Variants in FSHR observed in about 807,000 individuals in gnomAD.
The protein encoded by FSHR is follicle stimulating hormone receptor, also known as follicle-stimulating hormone receptor.
A neutral mutation model predicts 52.1 loss-of-function variants in FSHR; 46 were observed. The ratio of observed to expected loss-of-function variants is 0.88; its 90% confidence interval spans 0.70 to 1.13. The LOEUF is 1.13. Among genes scored for constraint, FSHR ranks in the 50% most tolerant of loss-of-function variants. FSHR has a pLI of 0.00. For synonymous variants in FSHR, 399 were observed against 309.6 expected, an observed-to-expected ratio of 1.29 and a Z score of -3.03; for missense variants, 964 against 834.6, an observed-to-expected ratio of 1.16 and a Z score of -1.91.
chr2:49,044,669 C>T (rs1668594727), intron 2 of FSHR, among the ~76,000 whole-genome samples: 1 of 152,112 alleles, frequency 6.6e-6, no homozygotes, highest in African/African-American at 2.4e-5. Context: ...CCCCAGCACT[C>T]TTACTGCCTG....
chr2:49,141,349 G>A (rs928626894), intron 1 of FSHR, among the ~76,000 whole-genome samples: 15 of 152,128 alleles, frequency 9.9e-5, no homozygotes, highest in African/African-American at 3.4e-4. Context: ...CAGGAAGTGT[G>A]TGGTGCTGGC....
intron 2 of FSHR, among the ~76,000 whole-genome samples, chr2:49,021,886 T>TATAGAGAGAGAGAGAGAG (rs1273265515): frequency 4.0e-5 from 1 of 25,124 alleles, no homozygotes; most frequent in African/African-American, 1.5e-4. Context: ...TATATATATA[T>TATAGAGAGAGAGAGAGAG]AGAGAGAGAG....
intron 1 of FSHR, among the ~76,000 whole-genome samples, chr2:49,107,912 C>T (rs1007756643): frequency 1.3e-5 from 2 of 152,172 alleles, no homozygotes; most frequent in East Asian, 1.9e-4. Context: ...TTTGAGTACA[C>T]ATTCCTTACC....
intron 1 of FSHR, among the ~76,000 whole-genome samples, chr2:49,087,783 ATTAT>A (rs754231876): frequency 3.3e-5 from 5 of 152,220 alleles, no homozygotes; most frequent in African/African-American, 7.2e-5. Flanking sequence ...GCATTTTCAA[ATTAT>A]TTATTGAACA....
At chr2:49,026,203 G>T (rs1322418798) in intron 2 of FSHR, among the ~76,000 whole-genome samples, 1 of 152,172 alleles carries the variant, frequency 6.6e-6, no homozygotes, top group Non-Finnish European at 1.5e-5. Context: ...TGAATTAAAT[G>T]CACTTGGTTT....
chr2:49,027,478 C>T lies in FSHR; in HGVS notation c.225-7318G>A, dbSNP rs569160783. On this transcript the variant is annotated intron_variant, in intron 2 of 9. Coordinates refer to ENST00000406846, the MANE Select transcript of FSHR (RefSeq NM_000145.4). Reference sequence around the variant, plus strand: ...CTATCCCTACCTGGACACAGTGGTGCAGCTAGTCTTTGTGCTTGGGAGCCA... The same window carrying T: ...CTATCCCTACCTGGACACAGTGGTGTAGCTAGTCTTTGTGCTTGGGAGCCA... Among the ~76,000 whole-genome samples the T allele has an allele frequency of 7.5e-4, 114 of 152,288 alleles. No individual in the cohort carries two copies. The Middle Eastern group carries it at 0.014, about 18-fold the overall frequency.
chr2:48,980,623 C>G (rs564057614), intron 8 of FSHR, among the ~76,000 whole-genome samples: 11 of 152,180 alleles, frequency 7.2e-5, no homozygotes, highest in Non-Finnish European at 1.6e-4. Flanking sequence ...ATTTTCCTCT[C>G]TATTTTAGCT....
intron 2 of FSHR, among the ~76,000 whole-genome samples, chr2:49,035,947 T>A (rs1034206269): frequency 2.0e-5 from 3 of 152,346 alleles, no homozygotes; most frequent in East Asian, 1.9e-4. Context: ...GAGGTCAACA[T>A]CATTAGCAAG....
intron 8 of FSHR, among the ~76,000 whole-genome samples, chr2:48,972,735 T>C (rs1156429306): frequency 6.6e-6 from 1 of 152,214 alleles, no homozygotes; most frequent in Non-Finnish European, 1.5e-5. Flanking sequence ...AAAAACATTT[T>C]AGAAGTCCTT....
intron 8 of FSHR, among the ~76,000 whole-genome samples, chr2:48,970,584 C>T (rs562063853): frequency 2.6e-5 from 4 of 152,044 alleles, no homozygotes; most frequent in Admixed American, 1.3e-4. Flanking sequence ...CTGACTATAC[C>T]CAATCTTTTC....
chr2:49,098,875 A>G (rs1670923874), intron 1 of FSHR, among the ~76,000 whole-genome samples: 1 of 146,654 alleles, frequency 6.8e-6, no homozygotes, highest in Non-Finnish European at 1.5e-5. Flanking sequence ...ATATACTTAT[A>G]TTATCCATAT....
chr2:48,989,053 C>A lies in FSHR; in HGVS notation c.448G>T (p.Asp150Tyr). The change falls in exon 6 of 10, where the codon GAC (aspartate) becomes TAC (tyrosine). Residue 150 changes from aspartate (D) to tyrosine (Y), a missense_variant and splice_region_variant. Asp to Tyr is a radical substitution (Grantham distance 160, BLOSUM62 -3). Transcript: ENST00000406846. ...TGGATGTTTATGTTATCTTGAATGTCACTAGAAGAAAGTACAGACAAATAA... is the reference window on the plus strand; with the variant it reads ...TGGATGTTTATGTTATCTTGAATGTAACTAGAAGAAAGTACAGACAAATAA... The part of the protein sequence containing the change: ...KIHSLQKVLL[D>Y]IQDNINIHTI... The A allele has an allele frequency of 6.2e-7, 1 of 1,611,952 alleles. No individual in the cohort carries two copies. The highest frequency in any genetic ancestry group is 8.5e-7 in the Non-Finnish European group (1 of 1,178,312).
chr2:49,131,388 C>G (rs757771657), intron 1 of FSHR, among the ~76,000 whole-genome samples: 2 of 152,140 alleles, frequency 1.3e-5, no homozygotes, highest in Non-Finnish European at 2.9e-5. Context: ...CAAAGACCCT[C>G]TAAGCATAGT....
At chr2:48,996,138 G>A (rs1170217917) in intron 4 of FSHR, among the ~76,000 whole-genome samples, 1 of 152,122 alleles carries the variant, frequency 6.6e-6, no homozygotes, top group Admixed American at 6.6e-5. Flanking sequence ...TATGATATAG[G>A]ATTTGTTTCC....
At chr2:49,038,580 G>C (rs986317578) in intron 2 of FSHR, among the ~76,000 whole-genome samples, 5 of 148,174 alleles carry the variant, frequency 3.4e-5, no homozygotes, top group African/African-American at 5.0e-5. Flanking sequence ...AGCCGAGATC[G>C]CGCCACTGCA....
chr2:49,094,602 A>G (rs1316220746), intron 1 of FSHR, among the ~76,000 whole-genome samples: 2 of 152,146 alleles, frequency 1.3e-5, no homozygotes, highest in African/African-American at 2.4e-5. Flanking sequence ...TTCATTTAGA[A>G]CTTTAAAATG....
intron 1 of FSHR, among the ~76,000 whole-genome samples, chr2:49,127,906 T>TCTTCTTC (rs1672122721): frequency 1.5e-5 from 2 of 134,558 alleles, no homozygotes; most frequent in African/African-American, 5.7e-5. Flanking sequence ...TTCTTTTTTT[T>TCTTCTTC]TTTTGAGACG....
intron 4 of FSHR, among the ~76,000 whole-genome samples, chr2:48,993,216 G>C (rs1433699940): frequency 6.6e-6 from 1 of 152,008 alleles, no homozygotes; most frequent in Non-Finnish European, 1.5e-5. Context: ...CTTGCTGTCT[G>C]ACTTCACTAG....
chr2:49,071,825 T>C (rs1669744098), intron 1 of FSHR, among the ~76,000 whole-genome samples: 1 of 152,034 alleles, frequency 6.6e-6, no homozygotes, highest in Non-Finnish European at 1.5e-5. Flanking sequence ...GGAAGGGAGA[T>C]GCTAGGCTCT....
Sources: allele counts gnomAD v4.1 joint callset (sites outside exome capture counted in the v4.1 genomes callset), GRCh38; gene constraint gnomAD v4.1.1; transcripts MANE v1.5; gene names NCBI Gene and HGNC (gene_info 2026-07-23, HGNC 2026-07-21).